Variants in PSD2 observed in about 807,000 individuals in gnomAD.
PSD2 encodes the protein pleckstrin and Sec7 domain containing 2, also known as PH and SEC7 domain-containing protein 2.
Under a neutral mutation model 69.8 loss-of-function variants are expected in PSD2, and 38 were observed. The observed-to-expected ratio is 0.54, with a 90% confidence interval of 0.42 to 0.71. PSD2 has a LOEUF of 0.71. Among genes scored for constraint, PSD2 ranks in the 30% least tolerant of loss-of-function variants. The pLI, the probability that PSD2 is intolerant of heterozygous loss-of-function variation, is 0.00. For synonymous variants in PSD2, 412 were observed against 423.0 expected, an observed-to-expected ratio of 0.97 and a Z score of 0.32; for missense variants, 943 against 1,014.5, an observed-to-expected ratio of 0.93 and a Z score of 0.96.
chr5:139,809,861 G>T, intron 2 of PSD2, 50 bp downstream of exon 2: 1 of 1,596,646 alleles, frequency 6.3e-7, no homozygotes, highest in Non-Finnish European at 8.5e-7. Context: ...CTGTTCTGTT[G>T]TTGTGTGGCC....
At chr5:139,810,567 G>A (rs566079034) in intron 2 of PSD2, among the ~76,000 whole-genome samples, 14 of 152,314 alleles carry the variant, frequency 9.2e-5, no homozygotes, top group East Asian at 7.7e-4. Flanking sequence ...ATGTGTGAAC[G>A]TGTTGGTATG....
chr5:139,830,813 C>T lies in PSD2; in HGVS notation c.1270-2889C>T, dbSNP rs184301616. ...GGGATTACAGGTGTGAGCCACCACA[C>T]CTGGACTTGCTTTTTTTTTTTTTTT... On this transcript the variant is annotated intron_variant, in intron 7 of 14. Transcript: ENST00000274710. Among the ~76,000 whole-genome samples, 249 of 142,978 alleles carry T rather than the reference C, an allele frequency of 1.7e-3. 1 individual carries two copies. Among genetic ancestry groups the T allele is most frequent in the African/African-American group, 6.3e-3 (241 of 38,332 alleles). The allele number at this position is 142,978 out of a possible 152,430, so 93.8% of individuals were successfully genotyped here. A position where few individuals can be genotyped will look rare whatever the true frequency, so the allele number is the denominator to read the frequency against.
chr5:139,791,605 C>T (rs1298646768), upstream of PSD2, among the ~76,000 whole-genome samples: 2 of 152,014 alleles, frequency 1.3e-5, no homozygotes, highest in Non-Finnish European at 2.9e-5. Flanking sequence ...GCCTGAGACC[C>T]TCTCTCAGAA....
chr5:139,792,178 A>G (rs1209667306), upstream of PSD2, among the ~76,000 whole-genome samples: 2 of 151,318 alleles, frequency 1.3e-5, no homozygotes, highest in African/African-American at 4.9e-5. Flanking sequence ...GGTGCTGGGG[A>G]CAGGGGCAGG....
rs572148418 is a variant in PSD2, at chr5:139,839,744, A to G, written c.1969-283A>G. ...TGTGTGTCTGTGTCAGGGACTGTCT[A>G]TGTGCACATATAAGTGTGAGCATCT... is the stretch of plus-strand genomic sequence containing the variant. On this transcript the variant is annotated intron_variant, in intron 13 of 14. Coordinates refer to ENST00000274710, the MANE Select transcript of PSD2 (RefSeq NM_032289.4). This position sits in a 1 kb window ranked among gnomAD's most constrained non-coding sequence, Gnocchi z 5.1. Among the ~76,000 whole-genome samples, 5 of 152,148 alleles carry G rather than the reference A, an allele frequency of 3.3e-5. No homozygotes were observed. The highest frequency in any genetic ancestry group is 7.4e-5 in the Non-Finnish European group (5 of 68,026).
In PSD2 at chr5:139,836,823, G is replaced by A; in HGVS notation, c.1416G>A (p.Glu472=). Residue 472 remains glutamate (E), a synonymous_variant, in exon 10 of 15, where the codon GAG becomes GAA. Coordinates refer to ENST00000274710, the MANE Select transcript of PSD2 (RefSeq NM_032289.4). ...EKLEWAIDED[E]LRKSLSELVD... The stretch of plus-strand genomic sequence containing the variant: ...AGTACTTCCCTAGTGATGAGGATGA[G>A]CTGAGGAAATCCCTGTCTGAGCTGG... 1 of 1,614,094 alleles carries A rather than the reference G, an allele frequency of 6.2e-7. No individual in the cohort carries two copies. The highest frequency in any genetic ancestry group is 8.5e-7 in the Non-Finnish European group (1 of 1,179,940).
At chr5:139,795,611 G>T (rs1287012678), upstream of PSD2, among the ~76,000 whole-genome samples, 1 of 151,970 alleles carries the variant, frequency 6.6e-6, no homozygotes. The surrounding 1 kb of genome is among the most constrained non-coding windows in gnomAD (Gnocchi z 4.5). Context: ...AGGGGGACAA[G>T]GTGGGCCGCG....
rs142589356 is a variant in PSD2 at position 139,817,484 on chromosome 5, C to T, written c.1020C>T (p.Asn340=). ...CDVARQLGKN[N]EFSRLVAGEY... ...ACATCCCATACTCTCCTGGCAGCAA[C>T]GAGTTTAGCAGGCTGGTGGCCGGGG... The change falls in exon 5 of 15, where the codon AAC becomes AAT. Residue 340 remains asparagine, a synonymous_variant. Transcript: ENST00000274710. 142 of 1,613,752 alleles carry T rather than the reference C, an allele frequency of 8.8e-5. No individual in the cohort carries two copies. Among genetic ancestry groups the T allele is most frequent in the Non-Finnish European group, 1.1e-4 (131 of 1,179,778 alleles).
intron 1 of PSD2, among the ~76,000 whole-genome samples, chr5:139,797,693 G>T (rs1294265216): frequency 6.6e-6 from 1 of 152,172 alleles, no homozygotes; most frequent in Non-Finnish European, 1.5e-5. Flanking sequence ...GAGCATATGT[G>T]CTAAGTACCC....
At chr5:139,830,642 TTCTTTCTTTCTTTC>T (rs1760571006) in intron 7 of PSD2, among the ~76,000 whole-genome samples, 2 of 141,748 alleles carry the variant, frequency 1.4e-5, no homozygotes, top group African/African-American at 2.7e-5. Context: ...CTTTCTTTCT[TTCTTTCTTTCTTTC>T]TCTTTCTTTC....
chr5:139,808,726 T>C (rs1327443449), intron 1 of PSD2, among the ~76,000 whole-genome samples: 3 of 152,196 alleles, frequency 2.0e-5, no homozygotes, highest in African/African-American at 7.2e-5. Flanking sequence ...CCGGGCTCTC[T>C]GAGAGGCTCC....
In PSD2 at chr5:139,813,542, A is replaced by G; in HGVS notation, c.605A>G (p.Asp202Gly). 1 of 1,610,264 alleles carries G rather than the reference A, an allele frequency of 6.2e-7. No individual in the cohort carries two copies. Among genetic ancestry groups the G allele is most frequent in the East Asian group, 2.2e-5 (1 of 44,718 alleles). The stretch of plus-strand genomic sequence containing the variant: ...CCAGGGGCTGGGTTGGGCATTGGGG[A>G]CATGGCGTTTGAGGGGGACATGGGG... ...PEPGAGLGIG[D>G]MAFEGDMGAA... The change falls in exon 3 of 15, where the codon GAC (aspartate) becomes GGC (glycine). Residue 202 changes from aspartate to glycine, a missense_variant. By Grantham distance (94) the Asp-to-Gly change is moderately conservative (BLOSUM62 -1). Coordinates refer to ENST00000274710, the MANE Select transcript of PSD2 (RefSeq NM_032289.4).
chr5:139,788,633 G>T, the PSD2 span, among the ~76,000 whole-genome samples: 1 of 152,188 alleles, frequency 6.6e-6, no homozygotes, highest in African/African-American at 2.4e-5. Flanking sequence ...CAGTTCCCGG[G>T]ACTCTCCTGG....
At chr5:139,806,154 T>C (rs905592375) in intron 1 of PSD2, among the ~76,000 whole-genome samples, 1 of 152,236 alleles carries the variant, frequency 6.6e-6, no homozygotes, top group Non-Finnish European at 1.5e-5. Context: ...GGAGAGGGGC[T>C]TGGATCAGGC....
intron 14 of PSD2, among the ~76,000 whole-genome samples, chr5:139,840,535 A>C (rs968064729): frequency 6.6e-6 from 1 of 151,894 alleles, no homozygotes; most frequent in African/African-American, 2.4e-5. Context: ...AGGTTTAACA[A>C]TTAGTATCTC....
Position 139,841,295 on chromosome 5 carries a change from A to G in PSD2, c.2113-976A>G, listed in dbSNP as rs191472491. 1.2e-4 allele frequency among the ~76,000 whole-genome samples: 18 copies of G among 152,334 alleles called. No individual in the cohort carries two copies. The East Asian group carries it at 1.7e-3, about 15-fold the overall frequency. On this transcript the variant is annotated intron_variant, in intron 14 of 14. Transcript: ENST00000274710. ...GACCTTGGAGATGACCTTGAGCAGT[A>G]TGATATAAATAACTCCCATGAACTT... is the stretch of plus-strand genomic sequence containing the variant.
chr5:139,790,109 T>C, the PSD2 span, among the ~76,000 whole-genome samples: 9 of 151,668 alleles, frequency 5.9e-5, no homozygotes, highest in South Asian at 2.1e-4. Flanking sequence ...TTATGGGATT[T>C]TGTGGCCTGC....
chr5:139,832,729 C>T (rs971700362), intron 7 of PSD2, among the ~76,000 whole-genome samples: 14 of 152,314 alleles, frequency 9.2e-5, no homozygotes, highest in South Asian at 2.1e-4. Flanking sequence ...TCCACAAAAT[C>T]CTTCAGTGAT....
chr5:139,812,360 G>T (rs945193147), intron 2 of PSD2, among the ~76,000 whole-genome samples: 3 of 152,150 alleles, frequency 2.0e-5, no homozygotes, highest in Non-Finnish European at 4.4e-5. Flanking sequence ...TTTGGGCAGA[G>T]GGAACAGCCA....
Sources: allele counts gnomAD v4.1 joint callset (sites outside exome capture counted in the v4.1 genomes callset), GRCh38; gene constraint gnomAD v4.1.1; non-coding constraint Gnocchi (gnomAD v3.1); transcripts MANE v1.5; gene names NCBI Gene and HGNC (gene_info 2026-07-23, HGNC 2026-07-21).